The following UNC13C variants were observed in gnomAD, a reference collection of about 807,000 sequenced individuals.
The protein encoded by UNC13C is unc-13 homolog C.
UNC13C carries 174 observed loss-of-function variants against 245.4 expected under a neutral mutation model. The observed-to-expected ratio is 0.71, with a 90% confidence interval of 0.63 to 0.80. The LOEUF is 0.80. Among genes scored for constraint, UNC13C ranks in the 30% least tolerant of loss-of-function variants. The pLI is 0.00. For missense variants in UNC13C, 2,829 were observed against 2,602.9 expected, an observed-to-expected ratio of 1.09 and a Z score of -1.89; for synonymous variants, 992 against 895.1, an observed-to-expected ratio of 1.11 and a Z score of -1.93.
chr15:53,910,560 G>C, the UNC13C span, among the ~76,000 whole-genome samples: 284 of 146,492 alleles, frequency 1.9e-3, 33 homozygotes, highest in Admixed American at 3.8e-3. Context: ...CAGAGAAAGA[G>C]AGAGTCAGAG....
chr15:53,878,226 A>G, the UNC13C span, among the ~76,000 whole-genome samples: 1 of 152,264 alleles, frequency 6.6e-6, no homozygotes, highest in Non-Finnish European at 1.5e-5. Context: ...TAGAAACTCC[A>G]TCTGTGATCA....
At chr15:54,114,967 C>T (rs1030488085) in intron 2 of UNC13C, among the ~76,000 whole-genome samples, 15 of 152,144 alleles carry the variant, frequency 9.9e-5, no homozygotes, top group African/African-American at 3.4e-4. Flanking sequence ...TTCAGATTTC[C>T]ACTTAATGAA....
intron 13 of UNC13C, among the ~76,000 whole-genome samples, chr15:54,310,174 T>A (rs1329471025): frequency 6.6e-6 from 1 of 151,806 alleles, no homozygotes; most frequent in Admixed American, 6.6e-5. Context: ...TAATTATTGG[T>A]TGTACTTGTA....
chr15:54,208,011 G>C (rs2034768020), intron 4 of UNC13C, among the ~76,000 whole-genome samples: 1 of 152,054 alleles, frequency 6.6e-6, no homozygotes, highest in Admixed American at 6.6e-5. Context: ...GGTTTAATTG[G>C]CTTACAATTC....
chr15:53,966,002 T>C, the UNC13C span, among the ~76,000 whole-genome samples: 3 of 152,172 alleles, frequency 2.0e-5, no homozygotes, highest in Non-Finnish European at 2.9e-5. Context: ...GTCTTTGCTA[T>C]TGTGAATAAT....
chr15:53,979,159 T>A (rs1245637063), intron 1 of UNC13C, among the ~76,000 whole-genome samples: 1 of 152,182 alleles, frequency 6.6e-6, no homozygotes, highest in Non-Finnish European at 1.5e-5. Flanking sequence ...GAATGATAAA[T>A]GACTGCTTAG....
At chr15:54,347,344 C>T (rs1404408716) in intron 17 of UNC13C, among the ~76,000 whole-genome samples, 1 of 152,174 alleles carries the variant, frequency 6.6e-6, no homozygotes, top group Admixed American at 6.5e-5. Context: ...ACACAGAGAT[C>T]ATCCACAAGA....
chr15:54,167,334 C>G lies in UNC13C; in HGVS notation c.3071+23650C>G, dbSNP rs28464530. 2.0e-5 allele frequency among the ~76,000 whole-genome samples: 3 copies of G among 151,612 alleles called. No homozygotes were observed. The East Asian group carries it at 5.8e-4, about 29-fold the overall frequency. On this transcript the variant is annotated intron_variant, in intron 4 of 32. Transcript: ENST00000260323. ...TGGCTGACATGGTGAAACCCCGTCT[C>G]TACTGAAAATACAAAAAATTAGCCG...
the UNC13C span, among the ~76,000 whole-genome samples, chr15:53,926,575 G>A: frequency 6.6e-6 from 1 of 152,134 alleles, no homozygotes; most frequent in Non-Finnish European, 1.5e-5. Flanking sequence ...AAAGAGATAA[G>A]GATACAGGAC....
intron 2 of UNC13C, among the ~76,000 whole-genome samples, chr15:54,105,425 C>T (rs1200907020): frequency 6.6e-6 from 1 of 152,164 alleles, no homozygotes; most frequent in Non-Finnish European, 1.5e-5. Context: ...AATGGAATAA[C>T]TGCCCACATT....
the UNC13C span, among the ~76,000 whole-genome samples, chr15:53,872,598 T>C: frequency 2.6e-5 from 4 of 152,148 alleles, no homozygotes. Context: ...AAAATTATTA[T>C]GACAACTTCC....
intron 2 of UNC13C, among the ~76,000 whole-genome samples, chr15:54,043,020 A>G (rs1299763138): frequency 1.3e-5 from 2 of 152,144 alleles, no homozygotes; most frequent in African/African-American, 2.4e-5. Flanking sequence ...CTGCTGCTCT[A>G]TAAGGAAAGG....
At chr15:54,465,725 G>A (rs1440917034) in intron 19 of UNC13C, among the ~76,000 whole-genome samples, 1 of 151,942 alleles carries the variant, frequency 6.6e-6, no homozygotes, top group Non-Finnish European at 1.5e-5. Flanking sequence ...CAGATATTCG[G>A]CTAACAGGAT....
chr15:54,034,985 C>T (rs1481368523), intron 2 of UNC13C, among the ~76,000 whole-genome samples: 1 of 152,178 alleles, frequency 6.6e-6, no homozygotes, highest in Non-Finnish European at 1.5e-5. Flanking sequence ...CTTCAAAATG[C>T]CTCCCAGAAG....
At chr15:54,310,328 C>G (rs1462814826) in intron 13 of UNC13C, among the ~76,000 whole-genome samples, 2 of 151,852 alleles carry the variant, frequency 1.3e-5, no homozygotes, top group Non-Finnish European at 2.9e-5. Context: ...CATGCAAACT[C>G]AGAGGCGGAC....
chr15:53,902,241 C>T, the UNC13C span, among the ~76,000 whole-genome samples: 1 of 152,190 alleles, frequency 6.6e-6, no homozygotes, highest in East Asian at 1.9e-4. Flanking sequence ...TCTCCTTGTC[C>T]TCTATGATCC....
chr15:54,266,300 G>A (rs985385208), intron 10 of UNC13C, among the ~76,000 whole-genome samples: 1 of 151,932 alleles, frequency 6.6e-6, no homozygotes, highest in Admixed American at 6.6e-5. Context: ...AATAGGTTTG[G>A]AAAATCAATT....
chr15:54,560,587 G>T (rs1897263934), intron 29 of UNC13C, among the ~76,000 whole-genome samples: 1 of 151,854 alleles, frequency 6.6e-6, no homozygotes, highest in Non-Finnish European at 1.5e-5. Context: ...GGTGATAATA[G>T]TGCTCCTTAT....
At chr15:54,312,670 G>A (rs77239862) in intron 13 of UNC13C, among the ~76,000 whole-genome samples, 4 of 151,746 alleles carry the variant, frequency 2.6e-5, no homozygotes, top group African/African-American at 9.7e-5. Context: ...TGGATATAGA[G>A]TGAGAAGGTG....
Sources: allele counts gnomAD v4.1 joint callset (sites outside exome capture counted in the v4.1 genomes callset), GRCh38; gene constraint gnomAD v4.1.1; transcripts MANE v1.5; gene names NCBI Gene and HGNC (gene_info 2026-07-23, HGNC 2026-07-21).